Variants in TRIM3 observed in about 807,000 individuals in gnomAD.
The protein encoded by TRIM3 is tripartite motif containing 3.
In TRIM3, 13 loss-of-function variants were observed where a neutral mutation model predicts 66.6. That is an observed-to-expected ratio of 0.20 (90% CI 0.13 to 0.31). TRIM3 has a LOEUF of 0.31. Ranked by LOEUF, TRIM3 falls within the 10% of genes least tolerant of loss-of-function variation. TRIM3 has a pLI of 1.00. For missense variants in TRIM3, 711 were observed against 1,020.4 expected (o/e 0.70, Z 4.13); for synonymous variants, 406 against 411.7 (o/e 0.99, Z 0.17).
chr11:6,461,374 C>T (rs1564970901), intron 2 of TRIM3, among the ~76,000 whole-genome samples: 1 of 152,122 alleles, frequency 6.6e-6, no homozygotes, highest in Admixed American at 6.5e-5. Context: ...CTCATGCCTT[C>T]TATCTCTATC....
At position 6,449,201 on chromosome 11, in the gene TRIM3, G is replaced by C. The variant is rs748407632; in HGVS notation, c.2083-21C>G. The stretch of plus-strand genomic sequence containing the variant: ...AATACCTGGGGAAGGAGTGCAGAAA[G>C]GAGGGAGAGGCAAGATCAGGCAGAT... On this transcript the variant is annotated intron_variant, in intron 11 of 11. Coordinates refer to ENST00000345851, the MANE Select transcript of TRIM3 (RefSeq NM_033278.4). This position sits in a 1 kb window ranked among gnomAD's most constrained non-coding sequence, Gnocchi z 5.3. 7 of 1,612,578 alleles carry C rather than the reference G, an allele frequency of 4.3e-6. No individual in the cohort carries two copies. The highest frequency in any genetic ancestry group is 1.6e-4 in the Middle Eastern group (1 of 6,076).
Position 6,456,444 on chromosome 11 carries a change from G to A in TRIM3, c.1282C>T (p.Pro428Ser). Residue 428 changes from proline (P) to serine (S), a missense_variant, in exon 6 of 12, where the codon CCG becomes TCG. Coordinates refer to ENST00000345851, the MANE Select transcript of TRIM3 (RefSeq NM_033278.4). The surrounding 1 kb of genome is among the most constrained non-coding windows in gnomAD (Gnocchi z 6.4). ...ALRPGDLPPS[P>S]DDVKRRVKSP... Reference sequence around the variant, plus strand: ...TTGACACGGCGCTTCACATCGTCCGGGGAAGGTGGCAGGTCCCCCGGACGC... The same window carrying A: ...TTGACACGGCGCTTCACATCGTCCGAGGAAGGTGGCAGGTCCCCCGGACGC... The A allele has an allele frequency of 6.5e-7, 1 of 1,538,280 alleles. No homozygotes were observed. Among genetic ancestry groups the A allele is most frequent in the Non-Finnish European group, 8.8e-7 (1 of 1,139,916 alleles).
intron 7 of TRIM3, chr11:6,453,206 G>T (rs1849808665): frequency 6.6e-6 from 1 of 152,140 alleles, no homozygotes; most frequent in Non-Finnish European, 1.5e-5. Flanking sequence ...TCTCAGACCT[G>T]AACTGGACAT....
Position 6,451,102 on chromosome 11 carries a change from T to C in TRIM3, c.1702-42A>G, listed in dbSNP as rs781568380. 2.5e-6 allele frequency: 4 copies of C among 1,609,748 alleles called. No individual in the cohort carries two copies. In the South Asian group the frequency reaches 4.4e-5, roughly 18 times the overall value. ...TCCATAAGAGGCTTTATTCTGACAG[T>C]GGGGAAAGTAGTCCTAACCCAGTAC... On this transcript the variant is annotated intron_variant, in intron 8 of 11. Transcript: ENST00000345851.
Position 6,448,663 on chromosome 11 carries a change from G to C in TRIM3, c.*365C>G. On this transcript the variant is annotated 3_prime_UTR_variant, in exon 12 of 12. Transcript: ENST00000345851. The stretch of plus-strand genomic sequence containing the variant: ...TGGGGGGTGGGGTATTGCTGTCTCT[G>C]TCAGTGTGTATAGGGTGGTAGGGAG... 2.0e-6 allele frequency: 1 copy of C among 508,244 alleles called. No homozygotes were observed. Among genetic ancestry groups the C allele is most frequent in the Non-Finnish European group, 3.5e-6 (1 of 284,404 alleles). The allele number at this position is 508,244 out of a possible 1,614,324, so 31.5% of individuals were successfully genotyped here. A position where few individuals can be genotyped will look rare whatever the true frequency, so the allele number is the denominator to read the frequency against.
intron 7 of TRIM3, 179 bp from the exon 8 acceptor site, chr11:6,451,617 T>C: frequency 1.6e-6 from 1 of 626,312 alleles, no homozygotes; most frequent in Non-Finnish European, 2.8e-6. Flanking sequence ...AACAGAGATA[T>C]GAATGGGATT....
chr11:6,463,008 C>T (rs1850310835), intron 2 of TRIM3, among the ~76,000 whole-genome samples: 1 of 152,038 alleles, frequency 6.6e-6, no homozygotes, highest in African/African-American at 2.4e-5. Context: ...AGTTCGAGAC[C>T]AGCCTGGCCA....
intron 1 of TRIM3, among the ~76,000 whole-genome samples, chr11:6,466,593 G>T (rs201064815): frequency 0.012 from 1,653 of 139,944 alleles, 107 homozygotes; most frequent in Admixed American, 0.096. Context: ...TTCCTGCTGG[G>T]TTTTTTTTTT....
At chr11:6,453,223 T>C (rs1049403617) in intron 7 of TRIM3, 2 of 152,212 alleles carry the variant, frequency 1.3e-5, no homozygotes. Flanking sequence ...ACATCTCCAC[T>C]TGAATGCCGC....
chr11:6,451,442 G>C lies in TRIM3; in HGVS notation c.1534-4C>G. ...ACTGGCCCTCATTGGAGAAAACCTG[G>C]AGCAGAGGAGCAAGGGGAGGGAGCA... is the stretch of plus-strand genomic sequence containing the variant. On this transcript the variant is annotated splice_region_variant and splice_polypyrimidine_tract_variant and intron_variant, in intron 7 of 11. Coordinates refer to ENST00000345851, the MANE Select transcript of TRIM3 (RefSeq NM_033278.4). The C allele has an allele frequency of 6.2e-7, 1 of 1,613,920 alleles. No individual in the cohort carries two copies. Among genetic ancestry groups the C allele is most frequent in the Non-Finnish European group, 8.5e-7 (1 of 1,179,844 alleles).
chr11:6,456,410 C>G lies in TRIM3; in HGVS notation c.1316G>C (p.Gly439Ala), dbSNP rs368164162. The change falls in exon 6 of 12, where the codon GGC (glycine) becomes GCC (alanine). Residue 439 changes from glycine to alanine, a missense_variant. Gly to Ala is a moderately conservative substitution (Grantham distance 60). Coordinates refer to ENST00000345851, the MANE Select transcript of TRIM3 (RefSeq NM_033278.4). The surrounding 1 kb of genome is among the most constrained non-coding windows in gnomAD (Gnocchi z 6.4). ...DDVKRRVKSP[G>A]GPGSHVRQKA... ...CTGGCGCACATGGCTGCCGGGGCCG[C>G]CAGGGGACTTGACACGGCGCTTCAC... 104 of 1,531,032 alleles carry G rather than the reference C, an allele frequency of 6.8e-5. No individual in the cohort carries two copies. In the Middle Eastern group the frequency reaches 1.2e-3, roughly 18 times the overall value. The allele number at this position is 1,531,032 out of a possible 1,614,324, so 94.8% of individuals were successfully genotyped here. A position where few individuals can be genotyped will look rare whatever the true frequency, so the allele number is the denominator to read the frequency against.
chr11:6,456,891 C>A lies in TRIM3; in HGVS notation c.835G>T (p.Ala279Ser), dbSNP rs1411989595. ...LVRKHMRERL[A>S]ALAAQAFPER... The stretch of plus-strand genomic sequence containing the variant: ...GGGAAGGCCTGTGCCGCCAATGCAG[C>A]CAGCCGCTCTCGCATGTGCTTGCGC... The change falls in exon 6 of 12, where the codon GCT becomes TCT. Residue 279 changes from alanine to serine, a missense_variant. By Grantham distance (99) the Ala-to-Ser change is moderately conservative. Transcript: ENST00000345851. The surrounding 1 kb of genome is among the most constrained non-coding windows in gnomAD (Gnocchi z 6.4). 2 of 1,612,568 alleles carry A rather than the reference C, an allele frequency of 1.2e-6. No individual in the cohort carries two copies.
chr11:6,457,682 T>G lies in TRIM3; in HGVS notation c.515+14A>C. 1 of 1,607,838 alleles carries G rather than the reference T, an allele frequency of 6.2e-7. No individual in the cohort carries two copies. The highest frequency in any genetic ancestry group is 8.5e-7 in the Non-Finnish European group (1 of 1,175,692). On this transcript the variant is annotated intron_variant, in intron 4 of 11. Transcript: ENST00000345851. This position sits in a 1 kb window ranked among gnomAD's most constrained non-coding sequence, Gnocchi z 4.5. Reference sequence around the variant, plus strand: ...CTGTGGCCCCACCAGCCCAGGACCCTGCCCAGTGCCTACCGGCCACGCACA... The same window carrying G: ...CTGTGGCCCCACCAGCCCAGGACCCGGCCCAGTGCCTACCGGCCACGCACA...
In TRIM3 at chr11:6,448,984, C is replaced by A; in HGVS notation, c.*44G>T. On this transcript the variant is annotated 3_prime_UTR_variant, in exon 12 of 12. Transcript: ENST00000345851. ...CAGCCAGACCCTCTTGTCCAATCAC[C>A]CCAATGTCTGTCCCTCCACAAGCCA... is the stretch of plus-strand genomic sequence containing the variant. 6.2e-7 allele frequency: 1 copy of A among 1,608,978 alleles called. No individual in the cohort carries two copies. Among genetic ancestry groups the A allele is most frequent in the Non-Finnish European group, 8.5e-7 (1 of 1,175,844 alleles).
Position 6,457,580 on chromosome 11 carries a change from G to A in TRIM3, c.516-104C>T. 1 of 1,554,078 alleles carries A rather than the reference G, an allele frequency of 6.4e-7. No homozygotes were observed. The highest frequency in any genetic ancestry group is 1.2e-5 in the South Asian group (1 of 83,166). On this transcript the variant is annotated intron_variant, in intron 4 of 11. Transcript: ENST00000345851. The surrounding 1 kb of genome is among the most constrained non-coding windows in gnomAD (Gnocchi z 4.5). ...CTGCCCTCATGGAGATCTCCTTCCT[G>A]AGACCTCCCTGAGACTTCCATCTCT...
intron 7 of TRIM3, 89 bp from the exon 8 acceptor site, chr11:6,451,527 C>A: frequency 1.4e-6 from 2 of 1,379,318 alleles, no homozygotes. Context: ...AGGGAGGAGA[C>A]CCCCCCACCA....
At chr11:6,460,171 G>C (rs979948983) in intron 2 of TRIM3, among the ~76,000 whole-genome samples, 1 of 152,226 alleles carries the variant, frequency 6.6e-6, no homozygotes, top group Non-Finnish European at 1.5e-5. Context: ...GTAGTCATCA[G>C]CGTTAAAAGC....
At position 6,456,555 on chromosome 11, in the gene TRIM3, T is replaced by C. The variant is rs1162546690; in HGVS notation, c.1171A>G (p.Thr391Ala). Residue 391 changes from threonine to alanine, a missense_variant, in exon 6 of 12, where the codon ACA (threonine) becomes GCA (alanine). Around this residue, in one of 3 missense-constraint regions of TRIM3, gnomAD observed 399 missense variants for 458.1 expected, o/e 0.87. Transcript: ENST00000345851. The surrounding 1 kb of genome is among the most constrained non-coding windows in gnomAD (Gnocchi z 6.4). ...AGCAGCTCGCCTTCCGTGCGCGCTG[T>C]GTACACTAGCTCATATGTGCCATTC... ...HKNGTYELVY[T>A]ARTEGELLLS... 2 of 1,612,180 alleles carry C rather than the reference T, an allele frequency of 1.2e-6. No homozygotes were observed. The highest frequency in any genetic ancestry group is 3.3e-5 in the Admixed American group (2 of 59,972).
intron 7 of TRIM3, among the ~76,000 whole-genome samples, chr11:6,455,167 T>G (rs1849909796): frequency 6.6e-6 from 1 of 152,136 alleles, no homozygotes; most frequent in Admixed American, 6.5e-5. Flanking sequence ...GATGATATTT[T>G]TAACAATAGC....
Sources: allele counts gnomAD v4.1 joint callset (sites outside exome capture counted in the v4.1 genomes callset), GRCh38; gene constraint gnomAD v4.1.1; regional missense constraint gnomAD v4.1.1; non-coding constraint Gnocchi (gnomAD v3.1); transcripts MANE v1.5; gene names NCBI Gene and HGNC (gene_info 2026-07-23, HGNC 2026-07-21).